SLC23A2: variants seen among roughly 807,000 people sequenced by gnomAD.
SLC23A2 encodes the protein solute carrier family 23 member 2.
In SLC23A2, 36 loss-of-function variants were observed where a neutral mutation model predicts 73.3. The ratio of observed to expected loss-of-function variants is 0.49; its 90% CI spans 0.38 to 0.65. The LOEUF is 0.65. Ranked by LOEUF, SLC23A2 falls within the 30% of genes least tolerant of loss-of-function variation. SLC23A2 has a pLI of 0.00. For synonymous variants in SLC23A2, 343 were observed against 327.3 expected (o/e 1.05, Z -0.52); for missense variants, 507 against 841.6 (o/e 0.60, Z 4.92).
intron 9 of SLC23A2, among the ~76,000 whole-genome samples, chr20:4,882,397 A>C (rs1930924433): frequency 6.6e-6 from 1 of 152,154 alleles, no homozygotes; most frequent in Admixed American, 6.5e-5. Context: ...ATTTTGGGAA[A>C]GCATGATGAT....
rs889150222 is a variant in SLC23A2 at position 4,970,513 on chromosome 20, G to T, written c.-155+280C>A. Among the ~76,000 whole-genome samples the T allele has an allele frequency of 2.0e-5, 3 of 151,966 alleles. No homozygotes were observed. In the East Asian group the frequency reaches 5.8e-4, roughly 29 times the overall value. ...TTTGGGAGGTAGAGGCAGGAGGATCGCTTGAGCCCAGGAGTTGGAAACCAG... is the reference window on the plus strand; with the variant it reads ...TTTGGGAGGTAGAGGCAGGAGGATCTCTTGAGCCCAGGAGTTGGAAACCAG... On this transcript the variant is annotated intron_variant, in intron 2 of 16. Coordinates refer to ENST00000338244, the MANE Select transcript of SLC23A2 (RefSeq NM_005116.6).
chr20:4,880,306 G>C (rs1270146891), intron 9 of SLC23A2, among the ~76,000 whole-genome samples: 1 of 152,186 alleles, frequency 6.6e-6, no homozygotes, highest in Non-Finnish European at 1.5e-5. Context: ...TTAGGAATCA[G>C]AGTCCTTCAG....
At position 4,998,331 on chromosome 20, in the gene SLC23A2, A is replaced by G. The variant is rs1221990600; in HGVS notation, c.-282+3075T>C. On this transcript the variant is annotated intron_variant, in intron 1 of 16. Transcript: ENST00000338244. This position sits in a 1 kb window ranked among gnomAD's most constrained non-coding sequence, Gnocchi z 4.1. ...TTACCCAGCACAGATCAGGCACTCA[A>G]TGTAATAAATGTATGAAAGGCCTAT... Among the ~76,000 whole-genome samples the G allele has an allele frequency of 6.6e-6, 1 of 152,176 alleles. No individual in the cohort carries two copies. Among genetic ancestry groups the G allele is most frequent in the African/African-American group, 2.4e-5 (1 of 41,460 alleles).
chr20:4,877,987 A>G (rs1705411577), intron 9 of SLC23A2, among the ~76,000 whole-genome samples: 1 of 152,236 alleles, frequency 6.6e-6, no homozygotes. Context: ...TCATGTAGAT[A>G]ATACACATTT....
intron 3 of SLC23A2, among the ~76,000 whole-genome samples, chr20:4,919,681 G>C (rs181770524): frequency 9.7e-4 from 148 of 152,312 alleles, no homozygotes; most frequent in African/African-American, 3.5e-3. Flanking sequence ...AGGTTTCTAA[G>C]AGATGTCCCT....
chr20:4,955,452 A>C (rs1282796531), intron 2 of SLC23A2, among the ~76,000 whole-genome samples: 1 of 151,844 alleles, frequency 6.6e-6, no homozygotes, highest in African/African-American at 2.4e-5. Context: ...ATATACAAAA[A>C]ATTCCCATAC....
chr20:4,916,744 G>C (rs927617633), intron 3 of SLC23A2, among the ~76,000 whole-genome samples: 8 of 152,132 alleles, frequency 5.3e-5, no homozygotes, highest in African/African-American at 1.9e-4. Flanking sequence ...GTATTCCGTA[G>C]AAACTGTCAA....
At chr20:4,975,528 G>A (rs768705471) in intron 1 of SLC23A2, among the ~76,000 whole-genome samples, 2 of 149,642 alleles carry the variant, frequency 1.3e-5, no homozygotes, top group Non-Finnish European at 3.0e-5. Context: ...TTACGTGCAC[G>A]CACCACCACG....
chr20:4,887,574 C>G (rs184352188), intron 6 of SLC23A2, among the ~76,000 whole-genome samples: 58 of 152,340 alleles, frequency 3.8e-4, no homozygotes, highest in African/African-American at 1.3e-3. Flanking sequence ...TGAACCTGAC[C>G]TTGGCATCCG....
At chr20:4,881,279 G>C (rs1285631012) in intron 9 of SLC23A2, among the ~76,000 whole-genome samples, 1 of 152,138 alleles carries the variant, frequency 6.6e-6, no homozygotes, top group East Asian at 1.9e-4. Flanking sequence ...TGTAAGTATC[G>C]AGTTTACAGG....
At chr20:4,879,496 T>C (rs1055524225) in intron 9 of SLC23A2, among the ~76,000 whole-genome samples, 1 of 149,614 alleles carries the variant, frequency 6.7e-6, no homozygotes, top group African/African-American at 2.5e-5. Context: ...AAAAATAAAA[T>C]TCAGGGGAAG....
At chr20:4,972,148 GCC>G (rs1399910236) in intron 1 of SLC23A2, among the ~76,000 whole-genome samples, 1 of 152,154 alleles carries the variant, frequency 6.6e-6, no homozygotes, top group Non-Finnish European at 1.5e-5. Flanking sequence ...CATGAGCCTG[GCC>G]CTCCCTTGTG....
At position 4,856,067 on chromosome 20, in the gene SLC23A2, T is replaced by C. The variant is rs1486960161; in HGVS notation, c.*905A>G. ...ATCTGCTATAGTCAATAACATTAAA[T>C]AGGAATAAAACCTTGTAATTATAGA... On this transcript the variant is annotated 3_prime_UTR_variant, in exon 17 of 17. Coordinates refer to ENST00000338244, the MANE Select transcript of SLC23A2 (RefSeq NM_005116.6). This position sits in a 1 kb window ranked among gnomAD's most constrained non-coding sequence, Gnocchi z 4.6. 6.6e-6 allele frequency: 1 copy of C among 152,494 alleles called. No homozygotes were observed. The highest frequency in any genetic ancestry group is 2.4e-5 in the African/African-American group (1 of 41,428). The allele number at this position is 152,494 out of a possible 1,614,324, so 9.4% of individuals were successfully genotyped here. A position where few individuals can be genotyped will look rare whatever the true frequency, so the allele number is the denominator to read the frequency against.
chr20:4,942,397 T>C (rs1169972334), intron 2 of SLC23A2, among the ~76,000 whole-genome samples: 1 of 131,168 alleles, frequency 7.6e-6, no homozygotes. Flanking sequence ...AAAAAAAAAG[T>C]CGCCTGGAAA....
upstream of SLC23A2, among the ~76,000 whole-genome samples, chr20:5,005,320 A>G (rs2088179355): frequency 1.3e-5 from 2 of 152,180 alleles, no homozygotes; most frequent in Admixed American, 1.3e-4. Context: ...AAAATACATC[A>G]AATTTTTCCT....
At chr20:4,935,459 G>A (rs566160421) in intron 2 of SLC23A2, among the ~76,000 whole-genome samples, 10 of 152,128 alleles carry the variant, frequency 6.6e-5, no homozygotes, top group African/African-American at 2.2e-4. Flanking sequence ...AAACTCTACC[G>A]CAGGGATCAC....
intron 3 of SLC23A2, among the ~76,000 whole-genome samples, chr20:4,924,833 C>G (rs1932616519): frequency 6.6e-6 from 1 of 152,210 alleles, no homozygotes; most frequent in Non-Finnish European, 1.5e-5. Context: ...TTGTCAATAT[C>G]TAACATCTAC....
chr20:5,007,361 T>A (rs1295354278), intron 1 of SLC23A2, among the ~76,000 whole-genome samples: 1 of 152,038 alleles, frequency 6.6e-6, no homozygotes, highest in Non-Finnish European at 1.5e-5. Flanking sequence ...TGAAACCCTG[T>A]CTCTACTAAA....
rs1299569805 is a variant in SLC23A2, at chr20:4,863,513, A to G, written c.1357-606T>C. 6.6e-6 allele frequency among the ~76,000 whole-genome samples: 1 copy of G among 152,176 alleles called. No homozygotes were observed. Among genetic ancestry groups the G allele is most frequent in the African/African-American group, 2.4e-5 (1 of 41,442 alleles). On this transcript the variant is annotated intron_variant, in intron 13 of 16. Transcript: ENST00000338244. The surrounding 1 kb of genome is among the most constrained non-coding windows in gnomAD (Gnocchi z 4.8). ...CTCGTGGTTTTGTTTTGAGGATTAA[A>G]CGGGACCTGCATAAAACTGCCTGAA...
Sources: allele counts gnomAD v4.1 joint callset (sites outside exome capture counted in the v4.1 genomes callset), GRCh38; gene constraint gnomAD v4.1.1; non-coding constraint Gnocchi (gnomAD v3.1); transcripts MANE v1.5; gene names NCBI Gene and HGNC (gene_info 2026-07-23, HGNC 2026-07-21).